DYSF: variants seen among roughly 807,000 people sequenced by gnomAD.
DYSF encodes dystrophy-associated fer-1-like 1.
A neutral mutation model predicts 274.9 loss-of-function variants in DYSF; 212 were observed. The ratio of observed to expected loss-of-function variants is 0.77; its 90% CI spans 0.69 to 0.86. The LOEUF (loss-of-function observed/expected upper bound fraction) is 0.86. Among genes scored for constraint, DYSF ranks in the 40% least tolerant of loss-of-function variants. The pLI, the probability that DYSF is intolerant of heterozygous loss-of-function variation, is 0.00. For missense variants in DYSF, 2,666 were observed against 2,783.2 expected, an observed-to-expected ratio of 0.96 and a Z score of 0.95; for synonymous variants, 1,091 against 1,078.7, an observed-to-expected ratio of 1.01 and a Z score of -0.22.
At chr2:71,620,925 C>T (rs570862626) in intron 41 of DYSF, among the ~76,000 whole-genome samples, 1 of 152,188 alleles carries the variant, frequency 6.6e-6, no homozygotes. Flanking sequence ...ACTCTGACTT[C>T]TGGAGTGTGG....
At chr2:71,534,896 G>GTC in intron 14 of DYSF, 125 bp from the exon 15 acceptor site, 1 of 960,886 alleles carries the variant, frequency 1.0e-6, no homozygotes, top group Non-Finnish European at 1.7e-6. Flanking sequence ...CAACCCCAGG[G>GTC]TCTTACACCC....
chr2:71,512,663 T>C (rs1169845477), intron 5 of DYSF, among the ~76,000 whole-genome samples: 1 of 152,198 alleles, frequency 6.6e-6, no homozygotes, highest in African/African-American at 2.4e-5. Flanking sequence ...ATAGACGGGC[T>C]AGTGGGCACT....
chr2:71,551,480 G>T (rs2090939134), intron 18 of DYSF, 127 bp from the exon 19 acceptor site: 4 of 773,390 alleles, frequency 5.2e-6, no homozygotes, highest in Admixed American at 2.1e-5. Context: ...CTGCAGGGGG[G>T]ATGAGGTTGG....
chr2:71,628,054 A>G (rs1185936069), intron 41 of DYSF, among the ~76,000 whole-genome samples: 1 of 152,100 alleles, frequency 6.6e-6, no homozygotes, highest in Non-Finnish European at 1.5e-5. Context: ...TTACTAATAT[A>G]TTTGAATTTG....
At chr2:71,568,860 C>G (rs1198976287) in intron 26 of DYSF, among the ~76,000 whole-genome samples, 1 of 151,642 alleles carries the variant, frequency 6.6e-6, no homozygotes. Context: ...CACGCCTGGC[C>G]AGGCCTTTAT....
At chr2:71,636,407 G>A (rs1291228089) in intron 41 of DYSF, among the ~76,000 whole-genome samples, 2 of 152,168 alleles carry the variant, frequency 1.3e-5, no homozygotes, top group African/African-American at 4.8e-5. Flanking sequence ...GTCTGGTTCT[G>A]AGTATACACT....
chr2:71,617,683 AGGT>A (rs1558634394), intron 40 of DYSF, among the ~76,000 whole-genome samples: 3 of 83,644 alleles, frequency 3.6e-5, no homozygotes, highest in African/African-American at 5.0e-5. Context: ...TGTGTGGTAG[AGGT>A]GGGGTGTGTG....
At chr2:71,463,568 A>C (rs1190312554), upstream of DYSF, among the ~76,000 whole-genome samples, 1 of 152,006 alleles carries the variant, frequency 6.6e-6, no homozygotes, top group Admixed American at 6.5e-5. Context: ...GGCAGTGGCC[A>C]CTCCAGATGG....
chr2:71,478,462 C>G (rs944182801), intron 1 of DYSF, among the ~76,000 whole-genome samples: 4 of 152,114 alleles, frequency 2.6e-5, no homozygotes, highest in Non-Finnish European at 5.9e-5. Flanking sequence ...CCACCCACCT[C>G]AGCCTCCCAG....
chr2:71,539,941 C>T (rs1260253558), intron 17 of DYSF, among the ~76,000 whole-genome samples: 1 of 152,216 alleles, frequency 6.6e-6, no homozygotes, highest in Non-Finnish European at 1.5e-5. Flanking sequence ...TCATGATCCA[C>T]GTTAACTAGT....
intron 47 of DYSF, among the ~76,000 whole-genome samples, chr2:71,666,688 C>T (rs931632910): frequency 3.9e-5 from 6 of 152,216 alleles, no homozygotes; most frequent in African/African-American, 7.2e-5. Context: ...GTACCTGGGA[C>T]GCACCTGGGG....
chr2:71,572,614 G>A (rs530319455), intron 29 of DYSF, among the ~76,000 whole-genome samples: 22 of 152,360 alleles, frequency 1.4e-4, no homozygotes, highest in Admixed American at 1.2e-3. Context: ...TGTGGCCTGG[G>A]GAAGTTCACA....
At chr2:71,571,334 C>CTCACACCCAGCACACCCACAGA (rs1559189275) in intron 29 of DYSF, among the ~76,000 whole-genome samples, 3 of 125,838 alleles carry the variant, frequency 2.4e-5, no homozygotes, top group East Asian at 2.7e-4. Context: ...ACACGCACAG[C>CTCACACCCAGCACACCCACAGA]TCACACCCAG....
intron 4 of DYSF, among the ~76,000 whole-genome samples, chr2:71,510,923 C>G (rs2086023592): frequency 6.6e-6 from 1 of 152,218 alleles, no homozygotes. Flanking sequence ...AATTGGTTTT[C>G]TTTTGCCTTA....
chr2:71,669,044 T>C, intron 49 of DYSF, 68 bp from the exon 50 acceptor site: 1 of 1,443,736 alleles, frequency 6.9e-7, no homozygotes, highest in South Asian at 1.2e-5. Context: ...CTTGGCTTCT[T>C]GGCTTCTTAA....
intron 17 of DYSF, among the ~76,000 whole-genome samples, chr2:71,548,634 GC>G (rs2090675546): frequency 6.6e-6 from 1 of 152,216 alleles, no homozygotes; most frequent in Non-Finnish European, 1.5e-5. Flanking sequence ...TTCCTTCCGT[GC>G]TTTTCTTATT....
Position 71,601,499 on chromosome 2 carries a change from C to G in DYSF, c.3898C>G (p.Pro1300Ala), listed in dbSNP as rs2093550387. The G allele has an allele frequency of 6.2e-7, 1 of 1,614,082 alleles. No homozygotes were observed. The highest frequency in any genetic ancestry group is 1.7e-5 in the Admixed American group (1 of 60,012). The change falls in exon 35 of 56, where the codon CCG becomes GCG. Residue 1300 changes from proline (P) to alanine (A), a missense_variant and splice_region_variant. Pro to Ala is a conservative substitution (Grantham distance 27). This residue lies in a region of DYSF where 1,460 missense variants were observed against 1,502.1 expected (regional missense o/e 0.97). Coordinates refer to ENST00000410020, the MANE Select transcript of DYSF (RefSeq NM_001130987.2). Reference protein sequence around the residue: ...ASFELIQREKPAIHHIPGFEV... With the variant: ...ASFELIQREKAAIHHIPGFEV... ...CAGAGCTCTCTTTTCTTCACTCCAG[C>G]CGGCCATCCACCATATTCCTGGTTT...
intron 4 of DYSF, 113 bp from the exon 5 acceptor site, chr2:71,511,694 T>C: frequency 1.3e-6 from 1 of 774,842 alleles, no homozygotes; most frequent in East Asian, 2.7e-5. Flanking sequence ...CAAACCTGGC[T>C]CTTGTCAGAG....
intron 4 of DYSF, among the ~76,000 whole-genome samples, chr2:71,508,742 C>T (rs1020688066): frequency 2.6e-5 from 4 of 152,164 alleles, no homozygotes; most frequent in African/African-American, 4.8e-5. Flanking sequence ...TGGGTGTCCC[C>T]GCTAATCGTT....
Sources: gnomAD v4.1 joint callset for allele counts (sites outside exome capture counted in the v4.1 genomes callset) on GRCh38, gnomAD v4.1.1 for gene constraint, gnomAD v4.1.1 regional missense constraint, MANE v1.5 for transcripts, NCBI Gene and HGNC (gene_info 2026-07-23, HGNC 2026-07-21) for gene names.